PDE1C: variants seen among roughly 807,000 people sequenced by gnomAD.
PDE1C encodes the protein phosphodiesterase 1C, also known as dual specificity calcium/calmodulin-dependent 3',5'-cyclic nucleotide phosphodiesterase 1C.
Under a neutral mutation model 93.1 loss-of-function variants are expected in PDE1C, and 62 were observed. The observed-to-expected ratio is 0.67, with a 90% CI of 0.54 to 0.82. The LOEUF (loss-of-function observed/expected upper bound fraction) is 0.82, where lower values mean the gene tolerates loss of function less well. Ranked by LOEUF, PDE1C falls within the 40% of genes least tolerant of loss-of-function variation. PDE1C has a pLI of 0.00. For synonymous variants in PDE1C, 325 were observed against 310.1 expected, an observed-to-expected ratio of 1.05 and a Z score of -0.50; for missense variants, 742 against 884.6, an observed-to-expected ratio of 0.84 and a Z score of 2.04.
At chr7:31,669,955 T>A in the PDE1C span, among the ~76,000 whole-genome samples, 1 of 152,200 alleles carries the variant, frequency 6.6e-6, no homozygotes, top group African/African-American at 2.4e-5. Context: ...GGAAATGTGT[T>A]CAACCTTGGA....
At chr7:31,734,863 A>G in the PDE1C span, among the ~76,000 whole-genome samples, 1 of 152,122 alleles carries the variant, frequency 6.6e-6, no homozygotes, top group East Asian at 1.9e-4. Context: ...AGTTGTTTGG[A>G]CCTAATAACT....
At chr7:31,790,721 A>T (rs1784494521) in intron 16 of PDE1C, among the ~76,000 whole-genome samples, 1 of 152,108 alleles carries the variant, frequency 6.6e-6, no homozygotes, top group South Asian at 2.1e-4. Context: ...GAGACATTTA[A>T]AGCAAGATGT....
chr7:31,909,725 ATT>A (rs1468059938), intron 2 of PDE1C, among the ~76,000 whole-genome samples: 3 of 152,174 alleles, frequency 2.0e-5, no homozygotes, highest in Non-Finnish European at 4.4e-5. Flanking sequence ...GAAATATAGT[ATT>A]ATCACCATGT....
At chr7:32,060,230 T>C (rs1197235777) in intron 1 of PDE1C, among the ~76,000 whole-genome samples, 3 of 152,208 alleles carry the variant, frequency 2.0e-5, no homozygotes, top group East Asian at 1.9e-4. Context: ...AATCTTCTGC[T>C]GAATTTCACT....
rs192876129 is a variant in PDE1C, at chr7:31,798,721, T to C, written c.1891+10310A>G. Reference sequence around the variant, plus strand: ...CATAACATCTTCTATATCAAGGGGGTATAAGATTCATTCAAATATGAGTGT... The same window carrying C: ...CATAACATCTTCTATATCAAGGGGGCATAAGATTCATTCAAATATGAGTGT... On this transcript the variant is annotated intron_variant, in intron 16 of 17. Coordinates refer to ENST00000396191, the MANE Select transcript of PDE1C (RefSeq NM_001191057.4). Among the ~76,000 whole-genome samples, 887 of 151,578 alleles carry C rather than the reference T, an allele frequency of 5.9e-3. 6 individuals are homozygous for C. Among genetic ancestry groups the C allele is most frequent in the African/African-American group, 0.02 (844 of 41,408 alleles).
intron 3 of PDE1C, among the ~76,000 whole-genome samples, chr7:32,112,467 G>A (rs149703072): frequency 1.3e-5 from 2 of 151,648 alleles, no homozygotes; most frequent in African/African-American, 2.4e-5. Context: ...TCTTTTTTTA[G>A]TTTGTTTGTT....
intron 2 of PDE1C, among the ~76,000 whole-genome samples, chr7:31,902,853 G>A (rs1800153124): frequency 6.6e-6 from 1 of 151,256 alleles, no homozygotes; most frequent in Non-Finnish European, 1.5e-5. Flanking sequence ...ATAATATATT[G>A]AGTGAAATGG....
chr7:32,212,496 TC>T (rs1484545817), intron 1 of PDE1C, among the ~76,000 whole-genome samples: 1 of 152,172 alleles, frequency 6.6e-6, no homozygotes, highest in East Asian at 1.9e-4. Context: ...CTAGAGGGTC[TC>T]CCGTGATGCT....
chr7:32,160,016 C>G (rs1030794307), intron 3 of PDE1C, among the ~76,000 whole-genome samples: 1 of 152,120 alleles, frequency 6.6e-6, no homozygotes, highest in East Asian at 1.9e-4. Flanking sequence ...GCTGGACCAT[C>G]TGATGCTGAA....
intron 17 of PDE1C, among the ~76,000 whole-genome samples, chr7:31,754,643 G>A (rs1794337639): frequency 6.6e-6 from 1 of 152,182 alleles, no homozygotes; most frequent in Admixed American, 6.5e-5. Flanking sequence ...AGTCTGTAAA[G>A]GCTGTATAGC....
chr7:31,893,559 T>C, intron 2 of PDE1C: 9 of 887,188 alleles, frequency 1.0e-5, no homozygotes, highest in Non-Finnish European at 1.2e-5. Flanking sequence ...TTTAGTTCTA[T>C]TAAAATAGCT....
chr7:31,631,924 T>C, the PDE1C span, among the ~76,000 whole-genome samples: 441 of 152,282 alleles, frequency 2.9e-3, 1 homozygote, highest in African/African-American at 0.01. Context: ...ACAAGCTCCG[T>C]GATGGCAGGT....
chr7:31,910,663 C>T (rs563844965), intron 2 of PDE1C, among the ~76,000 whole-genome samples: 86 of 152,318 alleles, frequency 5.6e-4, no homozygotes, highest in African/African-American at 1.9e-3. Flanking sequence ...TGGATGAGTC[C>T]ATGGCCTCTA....
chr7:32,376,321 A>AT (rs1316075203), intron 1 of PDE1C, among the ~76,000 whole-genome samples: 1 of 152,134 alleles, frequency 6.6e-6, no homozygotes, highest in Non-Finnish European at 1.5e-5. Flanking sequence ...TTCCTGATGG[A>AT]TTTTTACCCT....
intron 1 of PDE1C, 34 bp from the exon 2 acceptor site, chr7:32,051,614 G>A (rs1234202330): frequency 1.2e-6 from 2 of 1,606,368 alleles, no homozygotes; most frequent in African/African-American, 1.3e-5. Context: ...TATCAGAAAA[G>A]GGTTGTGGCA....
At chr7:32,122,889 A>C (rs1799374235) in intron 3 of PDE1C, among the ~76,000 whole-genome samples, 1 of 152,214 alleles carries the variant, frequency 6.6e-6, no homozygotes, top group Non-Finnish European at 1.5e-5. Context: ...GGAGACAGAG[A>C]CATGGAAAAC....
chr7:31,643,222 C>T, the PDE1C span: 22 of 1,613,914 alleles, frequency 1.4e-5, no homozygotes, highest in Middle Eastern at 1.6e-4. Flanking sequence ...TGAGGCCCCA[C>T]GAGAAGAGGA....
chr7:32,112,846 G>GTGTGTATA (rs1449055562), intron 3 of PDE1C, among the ~76,000 whole-genome samples: 2 of 59,164 alleles, frequency 3.4e-5, no homozygotes, highest in African/African-American at 7.0e-5. Flanking sequence ...GTGTGTGTGT[G>GTGTGTATA]TATATATATA....
intron 16 of PDE1C, among the ~76,000 whole-genome samples, chr7:31,801,469 T>C (rs1158058792): frequency 6.6e-6 from 1 of 151,516 alleles, no homozygotes; most frequent in Non-Finnish European, 1.5e-5. Context: ...TTGAAAAAGA[T>C]GTGTATTCTT....
Sources: allele counts gnomAD v4.1 joint callset (sites outside exome capture counted in the v4.1 genomes callset), GRCh38; gene constraint gnomAD v4.1.1; transcripts MANE v1.5; gene names NCBI Gene and HGNC (gene_info 2026-07-23, HGNC 2026-07-21).